Variants in CDK15 observed in about 807,000 individuals in gnomAD.
The protein encoded by CDK15 is cyclin dependent kinase 15, also known as cyclin-dependent kinase 15.
In CDK15, 62 loss-of-function variants were observed where a neutral mutation model predicts 60.3. The observed-to-expected ratio is 1.03, with a 90% CI of 0.84 to 1.27. CDK15 has a LOEUF of 1.27. Ranked by LOEUF, CDK15 falls within the 50% of genes most tolerant of loss-of-function variation. The pLI is 0.00. For missense variants in CDK15, 541 were observed against 527.8 expected (o/e 1.03, Z -0.25); for synonymous variants, 194 against 195.7 (o/e 0.99, Z 0.07).
chr2:201,836,191 T>TTTTA (rs1553524153), intron 8 of CDK15, among the ~76,000 whole-genome samples: 31 of 106,968 alleles, frequency 2.9e-4, no homozygotes, highest in South Asian at 1.4e-3. Flanking sequence ...ATATATTTTT[T>TTTTA]TATATATATA....
At chr2:201,838,098 C>T (rs1441490292) in intron 8 of CDK15, among the ~76,000 whole-genome samples, 2 of 152,220 alleles carry the variant, frequency 1.3e-5, no homozygotes, top group East Asian at 1.9e-4. Context: ...AACTTCTACC[C>T]GTCAATTTTA....
chr2:201,888,202 A>C (rs956539035), intron 12 of CDK15, among the ~76,000 whole-genome samples: 1 of 152,188 alleles, frequency 6.6e-6, no homozygotes, highest in African/African-American at 2.4e-5. Flanking sequence ...CAGGAAGAGT[A>C]AATGGAGACA....
chr2:201,837,681 G>A (rs943840206), intron 8 of CDK15, among the ~76,000 whole-genome samples: 3 of 152,030 alleles, frequency 2.0e-5, no homozygotes, highest in African/African-American at 7.2e-5. Flanking sequence ...AGTCATTTGG[G>A]GGCCACTGTT....
intron 7 of CDK15, among the ~76,000 whole-genome samples, chr2:201,834,240 T>C (rs138987244): frequency 2.0e-5 from 3 of 152,274 alleles, no homozygotes; most frequent in African/African-American, 7.2e-5. Flanking sequence ...TATAGAGACA[T>C]TGGTAGAGTA....
chr2:201,821,744 C>T (rs973891160), intron 4 of CDK15, among the ~76,000 whole-genome samples: 4 of 152,160 alleles, frequency 2.6e-5, no homozygotes, highest in Admixed American at 2.0e-4. Flanking sequence ...AATCTTGGCT[C>T]ACTGCAACCT....
chr2:201,864,611 G>GC (rs1198822458), intron 10 of CDK15, among the ~76,000 whole-genome samples: 27 of 152,180 alleles, frequency 1.8e-4, no homozygotes, highest in African/African-American at 6.5e-4. Flanking sequence ...AAGCCACCGT[G>GC]CCTGCCCTAG....
At chr2:201,835,318 A>C (rs1696959739) in intron 7 of CDK15, among the ~76,000 whole-genome samples, 1 of 152,056 alleles carries the variant, frequency 6.6e-6, no homozygotes, top group Non-Finnish European at 1.5e-5. Context: ...GAGGAGGGAG[A>C]AAAGGGAAGC....
rs1050810677 is a variant in CDK15, at chr2:201,835,759, A to G, written c.847A>G (p.Ile283Val). 31 of 1,580,116 alleles carry G rather than the reference A, an allele frequency of 2.0e-5. No individual in the cohort carries two copies. The highest frequency in any genetic ancestry group is 2.6e-5 in the Non-Finnish European group (30 of 1,158,152). The change falls in exon 8 of 14, where the codon ATA becomes GTA. Residue 283 changes from isoleucine to valine, a missense_variant. Transcript: ENST00000652192. ...GATEYSSELD[I>V]WGAGCIFIEM... ...CACTGAATATTCCTCTGAGCTGGACATATGGTAAGAGTGGTGCCGAGAAAA... is the reference window on the plus strand; with the variant it reads ...CACTGAATATTCCTCTGAGCTGGACGTATGGTAAGAGTGGTGCCGAGAAAA...
At chr2:201,863,694 G>A (rs931752574) in intron 10 of CDK15, among the ~76,000 whole-genome samples, 3 of 152,260 alleles carry the variant, frequency 2.0e-5, no homozygotes, top group South Asian at 2.1e-4. Context: ...TCAGGAGTTC[G>A]AGATCAGCCT....
chr2:201,847,457 C>G lies in CDK15; in HGVS notation c.928C>G (p.Leu310Val). 1 of 1,613,850 alleles carries G rather than the reference C, an allele frequency of 6.2e-7. No homozygotes were observed. Among genetic ancestry groups the G allele is most frequent in the Non-Finnish European group, 8.5e-7 (1 of 1,179,868 alleles). ...FPGVSNILEQLEKIWEVLGVP... is the reference protein window; with the variant it reads ...FPGVSNILEQVEKIWEVLGVP... ...TGGGGTTTCCAACATCCTTGAACAG[C>G]TGGAGAAAATCTGGGAGGTAGGAGA... Residue 310 changes from leucine to valine, a missense_variant, in exon 9 of 14, where the codon CTG (leucine) becomes GTG (valine). Physicochemically the swap from Leu to Val is conservative, Grantham distance 32. Transcript: ENST00000652192.
intron 10 of CDK15, chr2:201,861,227 T>C (rs1698378901): frequency 9.8e-7 from 1 of 1,024,202 alleles, no homozygotes; most frequent in Non-Finnish European, 1.2e-6. Context: ...ATTGTAAAAG[T>C]GTTTCCTATG....
intron 8 of CDK15, 144 bp downstream of exon 8, chr2:201,835,907 T>A: frequency 2.0e-5 from 4 of 196,708 alleles, no homozygotes; most frequent in Non-Finnish European, 2.6e-5. Flanking sequence ...TTATATATAT[T>A]TATATAGTTA....
chr2:201,841,634 T>G (rs1697387344), intron 8 of CDK15, among the ~76,000 whole-genome samples: 1 of 152,186 alleles, frequency 6.6e-6, no homozygotes, highest in Non-Finnish European at 1.5e-5. Flanking sequence ...TGAATGCCCT[T>G]GTAGGAGGTA....
chr2:201,830,039 C>T (rs1696681594), intron 6 of CDK15, among the ~76,000 whole-genome samples: 1 of 152,062 alleles, frequency 6.6e-6, no homozygotes, highest in African/African-American at 2.4e-5. Flanking sequence ...AACTTCTGAC[C>T]TTGAGTGATT....
chr2:201,824,767 C>A, intron 6 of CDK15: 1 of 718,960 alleles, frequency 1.4e-6, no homozygotes, highest in Non-Finnish European at 1.9e-6. Context: ...AGAGCTTCAG[C>A]GCCTAATGAT....
chr2:201,860,393 G>A (rs969533048), intron 10 of CDK15, among the ~76,000 whole-genome samples: 1 of 152,226 alleles, frequency 6.6e-6, no homozygotes, highest in African/African-American at 2.4e-5. Flanking sequence ...TGATGTGCGT[G>A]CAAAGCATTT....
In CDK15 at chr2:201,872,457, A is replaced by G. The variant is rs116483098; in HGVS notation, c.1058+131A>G. The stretch of plus-strand genomic sequence containing the variant: ...TGTGGGGGCTCTAAGCTGTAGGAAG[A>G]TGCCTCTGGAAGCGCCAGACCCCTG... On this transcript the variant is annotated intron_variant, in intron 11 of 13. Coordinates refer to ENST00000652192, the MANE Select transcript of CDK15 (RefSeq NM_001366386.2). The G allele has an allele frequency of 0.019, 17,003 of 914,774 alleles. 197 individuals carry two copies. The highest frequency in any genetic ancestry group is 0.024 in the Non-Finnish European group (13,747 of 566,222). The allele number at this position is 914,774 out of a possible 1,614,324, so 56.7% of individuals were successfully genotyped here. A position where few individuals can be genotyped will look rare whatever the true frequency, so the allele number is the denominator to read the frequency against.
chr2:201,834,680 T>A (rs1696930312), intron 7 of CDK15, among the ~76,000 whole-genome samples: 1 of 152,198 alleles, frequency 6.6e-6, no homozygotes, highest in Non-Finnish European at 1.5e-5. Flanking sequence ...TATCATTTTA[T>A]CCTTAGTGCC....
At chr2:201,852,795 A>T (rs1295810706) in intron 9 of CDK15, among the ~76,000 whole-genome samples, 1 of 152,264 alleles carries the variant, frequency 6.6e-6, no homozygotes, top group East Asian at 1.9e-4. Context: ...AGAAACTGAG[A>T]TCAAATTTCC....
Sources: gnomAD v4.1 joint callset for allele counts (sites outside exome capture counted in the v4.1 genomes callset) on GRCh38, gnomAD v4.1.1 for gene constraint, MANE v1.5 for transcripts, NCBI Gene and HGNC (gene_info 2026-07-23, HGNC 2026-07-21) for gene names.